The following PIWIL2 variants were observed in gnomAD, a reference collection of about 807,000 sequenced individuals.
PIWIL2 encodes piwi-like protein 2.
In PIWIL2, 81 loss-of-function variants were observed where a neutral mutation model predicts 116.5. The observed-to-expected ratio is 0.70, with a 90% CI of 0.58 to 0.84. The LOEUF (loss-of-function observed/expected upper bound fraction) is 0.84, where lower values mean the gene tolerates loss of function less well. Ranked by LOEUF, PIWIL2 falls within the 40% of genes least tolerant of loss-of-function variation. The pLI, the probability that PIWIL2 is intolerant of heterozygous loss-of-function variation, is 0.00. For missense variants in PIWIL2, 1,272 were observed against 1,212.3 expected (o/e 1.05, Z -0.73); for synonymous variants, 489 against 429.5 (o/e 1.14, Z -1.71).
chr8:22,334,283 A>C (rs1293240228), intron 20 of PIWIL2, among the ~76,000 whole-genome samples: 1 of 151,716 alleles, frequency 6.6e-6, no homozygotes, highest in Non-Finnish European at 1.5e-5. Flanking sequence ...CCCTGGGTAC[A>C]AGGTTCTTTT....
intron 20 of PIWIL2, among the ~76,000 whole-genome samples, chr8:22,336,424 G>A (rs80042193): frequency 0.061 from 9,210 of 152,136 alleles, 348 homozygotes; most frequent in Admixed American, 0.092. Flanking sequence ...AAATACTTGG[G>A]AGATGACTGA....
intron 20 of PIWIL2, among the ~76,000 whole-genome samples, chr8:22,328,817 C>CAT (rs1563408402): frequency 2.8e-4 from 13 of 46,562 alleles, no homozygotes; most frequent in South Asian, 1.0e-3. Context: ...GAGCTCTAGT[C>CAT]GTTTTTTTTT....
chr8:22,322,209 C>T (rs573438924), intron 20 of PIWIL2, among the ~76,000 whole-genome samples: 3 of 152,070 alleles, frequency 2.0e-5, no homozygotes, highest in South Asian at 2.1e-4. Context: ...TGCTCTTCTC[C>T]TTTTTCTGTA....
chr8:22,342,265 C>G (rs539063445), intron 20 of PIWIL2, among the ~76,000 whole-genome samples: 1 of 152,196 alleles, frequency 6.6e-6, no homozygotes, highest in South Asian at 2.1e-4. Context: ...TCAATGCAAT[C>G]TTACTCAAAA....
chr8:22,294,267 G>C (rs2132009048), intron 10 of PIWIL2, among the ~76,000 whole-genome samples: 1 of 151,008 alleles, frequency 6.6e-6, no homozygotes, highest in African/African-American at 2.4e-5. Context: ...GAACCCGGGA[G>C]GCAGAGGTTG....
rs1046221193 is a variant in PIWIL2 at position 22,307,841 on chromosome 8, G to T, written c.1546-92G>T. 7.3e-6 allele frequency: 7 copies of T among 952,960 alleles called. No individual in the cohort carries two copies. The African/African-American group carries it at 1.2e-4, about 16-fold the overall frequency. 59.0% of individuals were successfully genotyped at this position (952,960 alleles called of 1,614,324 possible). ...TGAAAATTTCTGCTGATTTCAATGG[G>T]AAAGAGAAACATTTTAGACCTACTG... On this transcript the variant is annotated intron_variant, in intron 13 of 22. Transcript: ENST00000356766.
Position 22,321,825 on chromosome 8 carries a change from T to A in PIWIL2, c.2403+3550T>A, listed in dbSNP as rs144849994. On this transcript the variant is annotated intron_variant, in intron 20 of 22. Coordinates refer to ENST00000356766, the MANE Select transcript of PIWIL2 (RefSeq NM_018068.5). The stretch of plus-strand genomic sequence containing the variant: ...TCTGACTACCTCTGGACTCCCCATT[T>A]TTATTAATATCTTCCCCTAGGAATG... The A allele has an allele frequency of 3.9e-5, 38 of 981,720 alleles. No individual in the cohort carries two copies. The African/African-American group carries it at 6.3e-4, about 16-fold the overall frequency. 60.8% of individuals were successfully genotyped at this position (981,720 alleles called of 1,614,324 possible). A position where few individuals can be genotyped will look rare whatever the true frequency, so the allele number is the denominator to read the frequency against.
chr8:22,289,738 A>G (rs1830714448), intron 8 of PIWIL2, 109 bp from the exon 9 acceptor site: 2 of 690,280 alleles, frequency 2.9e-6, no homozygotes, highest in Admixed American at 5.1e-5. Context: ...TGCAAAGAGC[A>G]CAAACATTTC....
chr8:22,298,687 C>A (rs1830971842), intron 10 of PIWIL2, among the ~76,000 whole-genome samples: 1 of 152,174 alleles, frequency 6.6e-6, no homozygotes, highest in South Asian at 2.1e-4. Flanking sequence ...GACCTCTGTT[C>A]TATCGGAAAT....
At chr8:22,339,773 C>T (rs527859290) in intron 20 of PIWIL2, among the ~76,000 whole-genome samples, 1 of 152,170 alleles carries the variant, frequency 6.6e-6, no homozygotes. Context: ...AGTCTTACAA[C>T]TCAAGAAAAA....
chr8:22,350,992 T>G (rs1321892274), intron 20 of PIWIL2, among the ~76,000 whole-genome samples: 1 of 151,992 alleles, frequency 6.6e-6, no homozygotes, highest in Non-Finnish European at 1.5e-5. Flanking sequence ...AATACAAAAA[T>G]TAGCCAGGCA....
At chr8:22,289,992 T>C in intron 9 of PIWIL2, 65 bp downstream of exon 9, 1 of 1,018,832 alleles carries the variant, frequency 9.8e-7, no homozygotes, top group Non-Finnish European at 1.6e-6. Flanking sequence ...ATTACAACCA[T>C]TGTATTTAGT....
chr8:22,355,592 G>C lies in PIWIL2; in HGVS notation c.*87G>C. 5.0e-6 allele frequency: 6 copies of C among 1,198,574 alleles called. No homozygotes were observed. The South Asian group carries it at 8.1e-5, about 16-fold the overall frequency. The allele number at this position is 1,198,574 out of a possible 1,614,324, so 74.2% of individuals were successfully genotyped here. A position where few individuals can be genotyped will look rare whatever the true frequency, so the allele number is the denominator to read the frequency against. On this transcript the variant is annotated 3_prime_UTR_variant, in exon 23 of 23. Transcript: ENST00000356766. ...TTGCAGAATCAACAGAGACTGAAGT[G>C]GGCTTTTGTGTTATAATTTTCCCTT...
At position 22,320,839 on chromosome 8, in the gene PIWIL2, C is replaced by A. The variant is rs537425886; in HGVS notation, c.2403+2564C>A. ...AACTCCTGACCTCAGGTGATCCACC[C>A]CCCTCAGCCTCTCAAAGTGCTGGGA... On this transcript the variant is annotated intron_variant, in intron 20 of 22. Coordinates refer to ENST00000356766, the MANE Select transcript of PIWIL2 (RefSeq NM_018068.5). 4.0e-3 allele frequency among the ~76,000 whole-genome samples: 614 copies of A among 152,234 alleles called. 2 individuals are homozygous for A. The highest frequency in any genetic ancestry group is 0.014 in the Middle Eastern group (4 of 294).
At chr8:22,282,431 T>C (rs969734368) in intron 4 of PIWIL2, among the ~76,000 whole-genome samples, 7 of 151,880 alleles carry the variant, frequency 4.6e-5, no homozygotes, top group African/African-American at 1.7e-4. Context: ...CAGGTAATCC[T>C]CCCGCCTTGG....
intron 20 of PIWIL2, among the ~76,000 whole-genome samples, chr8:22,347,360 G>T (rs2132105895): frequency 6.6e-6 from 1 of 151,648 alleles, no homozygotes. Flanking sequence ...GACTACAGGT[G>T]CCCGCCACCA....
chr8:22,294,468 C>T (rs1464129173), intron 10 of PIWIL2, among the ~76,000 whole-genome samples: 2 of 150,888 alleles, frequency 1.3e-5, no homozygotes, highest in East Asian at 2.0e-4. Context: ...GGTGAAACCC[C>T]GTCTCTACTA....
chr8:22,313,301 A>C (rs1454445220), intron 16 of PIWIL2, among the ~76,000 whole-genome samples: 1 of 152,224 alleles, frequency 6.6e-6, no homozygotes, highest in Non-Finnish European at 1.5e-5. Flanking sequence ...GAGGGGAGTG[A>C]AATGAACTAA....
intron 1 of PIWIL2, among the ~76,000 whole-genome samples, chr8:22,276,904 TAA>T (rs11287267): frequency 5.4e-5 from 8 of 149,076 alleles, no homozygotes; most frequent in East Asian, 2.0e-4. Context: ...CCCTGTCTCT[TAA>T]AAAAAAAAAA....
Sources: gnomAD v4.1 joint callset for allele counts (sites outside exome capture counted in the v4.1 genomes callset) on GRCh38, gnomAD v4.1.1 for gene constraint, MANE v1.5 for transcripts, NCBI Gene and HGNC (gene_info 2026-07-23, HGNC 2026-07-21) for gene names.